MYO10: variants seen among roughly 807,000 people sequenced by gnomAD.
MYO10 encodes the protein myosin X.
In MYO10, 133 loss-of-function variants were observed where a neutral mutation model predicts 257.3. The ratio of observed to expected loss-of-function variants is 0.52; its 90% CI spans 0.45 to 0.60. MYO10 has a LOEUF of 0.60. Among genes scored for constraint, MYO10 ranks in the 20% least tolerant of loss-of-function variants. The pLI, the probability that MYO10 is intolerant of heterozygous loss-of-function variation, is 0.00. For synonymous variants in MYO10, 1,104 were observed against 1,028.6 expected, an observed-to-expected ratio of 1.07 and a Z score of -1.40; for missense variants, 2,399 against 2,635.7, an observed-to-expected ratio of 0.91 and a Z score of 1.97.
At chr5:16,814,259 A>G (rs910493273) in intron 3 of MYO10, among the ~76,000 whole-genome samples, 4 of 151,962 alleles carry the variant, frequency 2.6e-5, no homozygotes, top group Non-Finnish European at 5.9e-5. Flanking sequence ...TTCCTGCCTC[A>G]GCCTCCCGAG....
intron 3 of MYO10, among the ~76,000 whole-genome samples, chr5:16,808,006 A>G (rs1021444012): frequency 6.6e-6 from 1 of 152,226 alleles, no homozygotes; most frequent in Non-Finnish European, 1.5e-5. Context: ...AGCCTAACAC[A>G]GAGCCTGGTA....
intron 1 of MYO10, among the ~76,000 whole-genome samples, chr5:16,934,436 A>C (rs1483587073): frequency 6.6e-6 from 1 of 152,246 alleles, no homozygotes; most frequent in Admixed American, 6.5e-5. Flanking sequence ...GCAAGCAATT[A>C]AACACCGGAA....
At chr5:16,844,586 G>C (rs897988917) in intron 2 of MYO10, among the ~76,000 whole-genome samples, 7 of 152,106 alleles carry the variant, frequency 4.6e-5, no homozygotes, top group African/African-American at 1.7e-4. Flanking sequence ...TGGTGTTGGT[G>C]CATATTATGA....
intron 27 of MYO10, among the ~76,000 whole-genome samples, chr5:16,693,477 C>G (rs538922605): frequency 2.0e-5 from 3 of 152,306 alleles, no homozygotes; most frequent in Middle Eastern, 3.4e-3. Context: ...ATGAGTTTTC[C>G]CTTACAATCA....
intron 19 of MYO10, among the ~76,000 whole-genome samples, chr5:16,752,694 C>CAACT (rs1740414726): frequency 6.6e-6 from 1 of 152,176 alleles, no homozygotes; most frequent in Non-Finnish European, 1.5e-5. Flanking sequence ...GGATACTGAG[C>CAACT]AACTCCTGGG....
intron 9 of MYO10, among the ~76,000 whole-genome samples, chr5:16,777,849 T>A: frequency 7.5e-6 from 1 of 133,214 alleles, no homozygotes; most frequent in Non-Finnish European, 1.6e-5. Context: ...CTTTTTTTTT[T>A]TTTTTTTTTT....
At chr5:16,698,947 A>G (rs569481792) in intron 26 of MYO10, among the ~76,000 whole-genome samples, 1 of 152,216 alleles carries the variant, frequency 6.6e-6, no homozygotes, top group South Asian at 2.1e-4. Context: ...TATCATGAGA[A>G]TGGGTCTCGA....
At chr5:16,923,812 A>C (rs13354237) in intron 1 of MYO10, among the ~76,000 whole-genome samples, 9 of 151,694 alleles carry the variant, frequency 5.9e-5, no homozygotes, top group Non-Finnish European at 1.2e-4. Context: ...AAAATTGGCC[A>C]AGTGCGATGG....
At position 16,673,792 on chromosome 5, in the gene MYO10, G is replaced by T; in HGVS notation, c.5062C>A (p.Arg1688=). 6.2e-7 allele frequency: 1 copy of T among 1,613,924 alleles called. No individual in the cohort carries two copies. The highest frequency in any genetic ancestry group is 2.2e-5 in the East Asian group (1 of 44,872). Residue 1688 remains arginine, a synonymous_variant, in exon 36 of 41, where the codon CGA becomes AGA. Coordinates refer to ENST00000513610, the MANE Select transcript of MYO10 (RefSeq NM_012334.3). The part of the protein sequence containing the change: ...KTKCREFVPS[R]DEIEALIHRQ... ...TGGATCAGAGCTTCTATTTCATCTC[G>T]GGAAGGCACAAACTCTCGGCATTTG...
At chr5:16,823,953 C>T (rs779163778) in intron 2 of MYO10, among the ~76,000 whole-genome samples, 6 of 152,040 alleles carry the variant, frequency 3.9e-5, no homozygotes, top group Non-Finnish European at 7.4e-5. Flanking sequence ...GATTAACAGA[C>T]AAGAAATCCA....
intron 10 of MYO10, among the ~76,000 whole-genome samples, chr5:16,768,664 C>T (rs77996060): frequency 2.0e-4 from 14 of 70,168 alleles, no homozygotes; most frequent in Non-Finnish European, 3.2e-4. Flanking sequence ...TTTCTCTTTT[C>T]TTTTTTTTTT....
chr5:16,685,658 T>C, intron 29 of MYO10, 80 bp downstream of exon 29: 1 of 1,088,794 alleles, frequency 9.2e-7, no homozygotes, highest in Non-Finnish European at 1.3e-6. Flanking sequence ...TTCCCAATCT[T>C]TCCCTTTTTT....
chr5:16,879,267 C>T (rs1272696472), intron 1 of MYO10, among the ~76,000 whole-genome samples: 1 of 152,126 alleles, frequency 6.6e-6, no homozygotes. Context: ...TACCTCATTT[C>T]ATTTATTTCT....
At chr5:16,844,869 T>A (rs1429182419) in intron 2 of MYO10, among the ~76,000 whole-genome samples, 2 of 151,982 alleles carry the variant, frequency 1.3e-5, no homozygotes, top group Non-Finnish European at 2.9e-5. Context: ...TGTCCACCCC[T>A]TCTTACATTG....
chr5:16,917,133 T>C (rs1745846155), intron 1 of MYO10, among the ~76,000 whole-genome samples: 1 of 152,132 alleles, frequency 6.6e-6, no homozygotes. Flanking sequence ...TAACTATAGA[T>C]CTAGATATTT....
intron 30 of MYO10, among the ~76,000 whole-genome samples, chr5:16,683,323 G>A (rs1393146325): frequency 2.0e-5 from 3 of 152,046 alleles, no homozygotes; most frequent in Non-Finnish European, 4.4e-5. Flanking sequence ...GAAAAACAGA[G>A]ACAATAAAGA....
At chr5:16,711,487 G>A (rs1452941323) in intron 19 of MYO10, among the ~76,000 whole-genome samples, 4 of 152,218 alleles carry the variant, frequency 2.6e-5, no homozygotes, top group African/African-American at 4.8e-5. Context: ...CTCCCCTTAT[G>A]TTTAAGAAAA....
At chr5:16,831,435 C>G (rs1028203166) in intron 2 of MYO10, among the ~76,000 whole-genome samples, 5 of 151,086 alleles carry the variant, frequency 3.3e-5, no homozygotes, top group African/African-American at 1.2e-4. Context: ...TTTATAGCAG[C>G]ACAATTCGCA....
intron 6 of MYO10, 69 bp downstream of exon 6, chr5:16,781,636 A>G (rs1741427819): frequency 7.0e-7 from 1 of 1,438,680 alleles, no homozygotes; most frequent in Non-Finnish European, 9.5e-7. Flanking sequence ...TTCAATCCTT[A>G]TAATTAGTGA....
Sources: allele counts gnomAD v4.1 joint callset (sites outside exome capture counted in the v4.1 genomes callset), GRCh38; gene constraint gnomAD v4.1.1; transcripts MANE v1.5; gene names NCBI Gene and HGNC (gene_info 2026-07-23, HGNC 2026-07-21).